The following CTNNA2 variants were observed in gnomAD, a reference collection of about 807,000 sequenced individuals.
CTNNA2 encodes the protein catenin alpha-2.
CTNNA2 carries 42 observed loss-of-function variants against 101.0 expected under a neutral mutation model. The observed-to-expected ratio is 0.42, with a 90% CI of 0.32 to 0.54. The LOEUF (loss-of-function observed/expected upper bound fraction) is 0.54, where lower values mean the gene tolerates loss of function less well. Ranked by LOEUF, CTNNA2 falls within the 20% of genes least tolerant of loss-of-function variation. CTNNA2 has a pLI of 0.14. For synonymous variants in CTNNA2, 450 were observed against 456.4 expected, an observed-to-expected ratio of 0.99 and a Z score of 0.18; for missense variants, 871 against 1,223.1, an observed-to-expected ratio of 0.71 and a Z score of 4.29.
chr2:80,073,278 G>T (rs1572997885), intron 7 of CTNNA2, among the ~76,000 whole-genome samples: 1 of 152,286 alleles, frequency 6.6e-6, no homozygotes, highest in Admixed American at 6.5e-5. Flanking sequence ...TAGGCACTTT[G>T]ACAGGTTTGC....
At chr2:79,516,539 C>T (rs1214340457) in intron 1 of CTNNA2, among the ~76,000 whole-genome samples, 1 of 152,134 alleles carries the variant, frequency 6.6e-6, no homozygotes, top group Non-Finnish European at 1.5e-5. Context: ...ATTTGGCATA[C>T]AGGTGAATGT....
At chr2:80,521,791 G>A (rs1292683205) in intron 9 of CTNNA2, among the ~76,000 whole-genome samples, 1 of 152,134 alleles carries the variant, frequency 6.6e-6, no homozygotes, top group African/African-American at 2.4e-5. Context: ...CTGACCTTCA[G>A]AAATGTAAGA....
intron 2 of CTNNA2, among the ~76,000 whole-genome samples, chr2:79,233,630 T>A (rs1161014362): frequency 6.6e-6 from 1 of 152,192 alleles, no homozygotes; most frequent in Non-Finnish European, 1.5e-5. Flanking sequence ...CAATAATCTG[T>A]CTAATGCTGT....
At position 79,391,108 on chromosome 2, in the gene CTNNA2, G is replaced by A. The variant is rs906518081; in HGVS notation, c.-135+17095G>A. Among the ~76,000 whole-genome samples the A allele has an allele frequency of 5.9e-5, 9 of 152,264 alleles. 1 individual carries two copies. Among genetic ancestry groups the A allele is most frequent in the Admixed American group, 5.2e-4 (8 of 15,290 alleles). On this transcript the variant is annotated intron_variant, in intron 4 of 21. Coordinates refer to the CTNNA2 transcript ENST00000466387. ...ATTCCTCTGCCTTCCTCCGGATTCT[G>A]CAAAAGGTGCACCCAGCATCATGAA...
At chr2:80,190,036 C>G (rs562230242) in intron 7 of CTNNA2, among the ~76,000 whole-genome samples, 5 of 151,862 alleles carry the variant, frequency 3.3e-5, no homozygotes, top group Non-Finnish European at 4.4e-5. Context: ...ATTACTGATG[C>G]CTTTAAGGTC....
intron 1 of CTNNA2, among the ~76,000 whole-genome samples, chr2:79,517,523 T>A (rs1241603364): frequency 6.6e-6 from 1 of 152,184 alleles, no homozygotes; most frequent in African/African-American, 2.4e-5. Context: ...GACCATAGAC[T>A]GTAGTAGTTT....
intron 7 of CTNNA2, among the ~76,000 whole-genome samples, chr2:80,270,716 A>T (rs1191481034): frequency 6.6e-6 from 1 of 152,246 alleles, no homozygotes. Context: ...TACCAGTCAT[A>T]GGCAGTTCAA....
chr2:79,824,777 C>A (rs1343854926), intron 3 of CTNNA2, among the ~76,000 whole-genome samples: 2 of 152,082 alleles, frequency 1.3e-5, no homozygotes, highest in African/African-American at 4.8e-5. Flanking sequence ...TACAGATATA[C>A]CTTCTAAATC....
At chr2:79,644,972 T>G (rs1268052406) in intron 1 of CTNNA2, among the ~76,000 whole-genome samples, 1 of 151,784 alleles carries the variant, frequency 6.6e-6, no homozygotes, top group Non-Finnish European at 1.5e-5. Context: ...TAGGTTCAAG[T>G]TTTGTTTTTT....
intron 14 of CTNNA2, chr2:80,586,270 C>T (rs1337605671): frequency 6.6e-6 from 1 of 152,176 alleles, no homozygotes; most frequent in African/African-American, 2.4e-5. Context: ...TATGGAGATG[C>T]AAGTGCTATA....
intron 7 of CTNNA2, among the ~76,000 whole-genome samples, chr2:80,377,234 C>T (rs1349393986): frequency 6.6e-6 from 1 of 152,124 alleles, no homozygotes; most frequent in Non-Finnish European, 1.5e-5. Context: ...ATTTATTCTC[C>T]CTAGACATTC....
At chr2:79,259,917 G>C (rs759910662) in intron 2 of CTNNA2, among the ~76,000 whole-genome samples, 12 of 152,268 alleles carry the variant, frequency 7.9e-5, no homozygotes, top group African/African-American at 2.9e-4. Flanking sequence ...TGGTCAGTTT[G>C]GGTGCAAGAA....
chr2:79,769,920 T>C (rs1308552881), intron 3 of CTNNA2, among the ~76,000 whole-genome samples: 1 of 152,218 alleles, frequency 6.6e-6, no homozygotes, highest in East Asian at 1.9e-4. Flanking sequence ...ATTCACCAAA[T>C]GTGGCTACTG....
intron 9 of CTNNA2, among the ~76,000 whole-genome samples, chr2:80,426,223 G>A (rs982843863): frequency 6.6e-6 from 1 of 152,182 alleles, no homozygotes; most frequent in African/African-American, 2.4e-5. Flanking sequence ...GCCTTCTGGA[G>A]AAATGGAATA....
At chr2:79,370,977 C>T (rs1677856929) in intron 3 of CTNNA2, among the ~76,000 whole-genome samples, 1 of 152,110 alleles carries the variant, frequency 6.6e-6, no homozygotes, top group African/African-American at 2.4e-5. Context: ...TCATTTAGGG[C>T]TCAGCAGGAC....
At chr2:79,359,344 G>C (rs1338838701) in intron 3 of CTNNA2, among the ~76,000 whole-genome samples, 2 of 152,278 alleles carry the variant, frequency 1.3e-5, no homozygotes, top group East Asian at 3.9e-4. Flanking sequence ...TCTCTAGGTA[G>C]TTTCATCTGT....
Position 79,665,254 on chromosome 2 carries a change from C to T in CTNNA2, c.102+13596C>T, listed in dbSNP as rs555832597. Among the ~76,000 whole-genome samples, 19 of 152,266 alleles carry T rather than the reference C, an allele frequency of 1.2e-4. 1 individual carries two copies. Among genetic ancestry groups the T allele is most frequent in the Non-Finnish European group, 1.8e-4 (12 of 68,024 alleles). ...TTCTGATTTTTTGACACCCACACAACTGGGCGTGGTCTCTGCTCTGCTCTC... is the reference window on the plus strand; with the variant it reads ...TTCTGATTTTTTGACACCCACACAATTGGGCGTGGTCTCTGCTCTGCTCTC... On this transcript the variant is annotated intron_variant, in intron 2 of 18. Transcript: ENST00000402739.
intron 7 of CTNNA2, among the ~76,000 whole-genome samples, chr2:80,331,802 C>T (rs1671357778): frequency 6.6e-6 from 1 of 152,114 alleles, no homozygotes; most frequent in African/African-American, 2.4e-5. Flanking sequence ...ACATTCATAG[C>T]CTTAAGAACT....
intron 4 of CTNNA2, among the ~76,000 whole-genome samples, chr2:79,858,570 A>T (rs1170095914): frequency 6.6e-6 from 1 of 152,088 alleles, no homozygotes. Flanking sequence ...TGAGCAGCTG[A>T]CCACCTGTGC....
Sources: allele counts gnomAD v4.1 joint callset (sites outside exome capture counted in the v4.1 genomes callset), GRCh38; gene constraint gnomAD v4.1.1; transcripts MANE v1.5; gene names NCBI Gene and HGNC (gene_info 2026-07-23, HGNC 2026-07-21).